CPEB2: variants seen among roughly 807,000 people sequenced by gnomAD.
CPEB2 encodes cytoplasmic polyadenylation element binding protein 2, also known as cytoplasmic polyadenylation element-binding protein 2.
Under a neutral mutation model 93.6 loss-of-function variants are expected in CPEB2, and 56 were observed. That is an observed-to-expected ratio of 0.60 (90% CI 0.48 to 0.75). The LOEUF is 0.75. CPEB2 is among the 30% of genes least tolerant of loss of function. The pLI is 0.00. For synonymous variants in CPEB2, 764 were observed against 586.3 expected, an observed-to-expected ratio of 1.30 and a Z score of -4.38; for missense variants, 1,579 against 1,395.1, an observed-to-expected ratio of 1.13 and a Z score of -2.10.
chr4:15,018,762 T>G (rs535367418), intron 4 of CPEB2, among the ~76,000 whole-genome samples: 1 of 149,584 alleles, frequency 6.7e-6, no homozygotes, highest in Non-Finnish European at 1.5e-5. Flanking sequence ...TTTCTCCCAG[T>G]CTTTTTTTTT....
chr4:15,007,487 G>C lies in CPEB2; in HGVS notation c.1845G>C (p.Pro615=). 6.2e-7 allele frequency: 1 copy of C among 1,614,098 alleles called. No homozygotes were observed. Among genetic ancestry groups the C allele is most frequent in the Non-Finnish European group, 8.5e-7 (1 of 1,179,990 alleles). Residue 615 remains proline (P), a synonymous_variant, in exon 2 of 12, where the codon CCG becomes CCC. Coordinates refer to ENST00000538197, the MANE Select transcript of CPEB2 (RefSeq NM_001177382.2). Reference sequence around the variant, plus strand: ...TTTCTGGTAATGTCATAGCACCACCGAAATTTACTCGCTCAACTCCATCAC... The same window carrying C: ...TTTCTGGTAATGTCATAGCACCACCCAAATTTACTCGCTCAACTCCATCAC... ...KPFSGNVIAP[P]KFTRSTPSLT...
At chr4:15,055,854 C>T (rs1241823721) in intron 8 of CPEB2, among the ~76,000 whole-genome samples, 1 of 152,062 alleles carries the variant, frequency 6.6e-6, no homozygotes, top group Non-Finnish European at 1.5e-5. Flanking sequence ...GATTGTATCT[C>T]TTCCTTAGGT....
At chr4:15,022,270 A>G (rs571642751) in intron 4 of CPEB2, among the ~76,000 whole-genome samples, 4 of 152,270 alleles carry the variant, frequency 2.6e-5, no homozygotes, top group African/African-American at 9.6e-5. Flanking sequence ...TATTAAAATA[A>G]AGTACAAAAT....
intron 6 of CPEB2, among the ~76,000 whole-genome samples, chr4:15,048,431 C>T (rs889795446): frequency 1.3e-5 from 2 of 151,628 alleles, no homozygotes; most frequent in Non-Finnish European, 3.0e-5. Flanking sequence ...GATTTTTTCT[C>T]CCTGTGCCAT....
chr4:15,054,161 C>T lies in CPEB2; in HGVS notation c.2405C>T (p.Pro802Leu), dbSNP rs765473049. 2 of 1,610,566 alleles carry T rather than the reference C, an allele frequency of 1.2e-6. No individual in the cohort carries two copies. Among genetic ancestry groups the T allele is most frequent in the Non-Finnish European group, 1.7e-6 (2 of 1,178,598 alleles). ...ACTGCTAGCTTCAGAAGATTTGGGC[C>T]TTTGGTAGTAGATTGGCCTCATAAA... is the stretch of plus-strand genomic sequence containing the variant. ...EITASFRRFG[P>L]LVVDWPHKAE... Residue 802 changes from proline (P) to leucine (L), a missense_variant, in exon 8 of 12, where the codon CCT (proline) becomes CTT (leucine). Pro to Leu is a moderately conservative substitution (Grantham distance 98). Transcript: ENST00000538197.
chr4:15,061,888 G>A (rs932306408), intron 10 of CPEB2, among the ~76,000 whole-genome samples, 191 bp from the exon 11 acceptor site: 4 of 149,322 alleles, frequency 2.7e-5, no homozygotes, highest in Middle Eastern at 3.2e-3. Context: ...TGTGATGGTG[G>A]TGAGTCACTT....
chr4:15,026,193 C>T (rs1725442253), intron 4 of CPEB2, among the ~76,000 whole-genome samples: 1 of 150,596 alleles, frequency 6.6e-6, no homozygotes, highest in Non-Finnish European at 1.5e-5. Context: ...AATCAGAGCA[C>T]TTTTCTTATT....
chr4:15,007,928 C>T (rs1219109229), intron 2 of CPEB2, among the ~76,000 whole-genome samples: 1 of 152,038 alleles, frequency 6.6e-6, no homozygotes, highest in African/African-American at 2.4e-5. Context: ...TTTAATATAG[C>T]TAAGCTAATA....
chr4:15,054,229 T>C lies in CPEB2; in HGVS notation c.2461+12T>C. 2 of 1,579,300 alleles carry C rather than the reference T, an allele frequency of 1.3e-6. No homozygotes were observed. The highest frequency in any genetic ancestry group is 1.7e-6 in the Non-Finnish European group (2 of 1,153,714). ...TTTTCCACCAAAAGGTAAGGATTGT[T>C]ATTGTTAATATTTGCTAGGAAATTG... is the stretch of plus-strand genomic sequence containing the variant. On this transcript the variant is annotated intron_variant, in intron 8 of 11. Coordinates refer to ENST00000538197, the MANE Select transcript of CPEB2 (RefSeq NM_001177382.2).
chr4:15,060,128 T>G (rs1729057101), intron 10 of CPEB2, among the ~76,000 whole-genome samples: 1 of 152,090 alleles, frequency 6.6e-6, no homozygotes, highest in Non-Finnish European at 1.5e-5. Context: ...GGAATGTGTT[T>G]CACAGAAAGG....
chr4:15,022,082 A>G (rs192630420), intron 4 of CPEB2, among the ~76,000 whole-genome samples: 10 of 152,282 alleles, frequency 6.6e-5, no homozygotes, highest in Admixed American at 5.9e-4. Flanking sequence ...AGAATTTAAG[A>G]ACTGTCGAGC....
In CPEB2 at chr4:15,004,145, C is replaced by A. The variant is rs1179240545; in HGVS notation, c.1472C>A (p.Pro491His). 1 of 1,380,618 alleles carries A rather than the reference C, an allele frequency of 7.2e-7. No individual in the cohort carries two copies. Among genetic ancestry groups the A allele is most frequent in the Non-Finnish European group, 9.6e-7 (1 of 1,042,446 alleles). 85.5% of individuals were successfully genotyped at this position (1,380,618 alleles called of 1,614,324 possible). ...SGGGGGGFGG[P>H]FSATAVPPPP... ...GGCGGCGGCGGCGGCTTCGGCGGCC[C>A]CTTCTCGGCTACCGCTGTGCCCCCT... The change falls in exon 1 of 12, where the codon CCC becomes CAC. Residue 491 changes from proline to histidine, a missense_variant. Physicochemically the swap from Pro to His is moderately conservative, Grantham distance 77. This residue lies in a region of CPEB2 where 1,411 missense variants were observed against 1,056.0 expected (regional missense o/e 1.34). Coordinates refer to ENST00000538197, the MANE Select transcript of CPEB2 (RefSeq NM_001177382.2).
chr4:15,007,085 CATG>C (rs1722914985), intron 1 of CPEB2, among the ~76,000 whole-genome samples: 1 of 152,078 alleles, frequency 6.6e-6, no homozygotes, highest in South Asian at 2.1e-4. Flanking sequence ...CATAAAATAT[CATG>C]ATATTTATAG....
At chr4:15,064,633 T>C (rs1729519970) in intron 11 of CPEB2, among the ~76,000 whole-genome samples, 2 of 152,104 alleles carry the variant, frequency 1.3e-5, no homozygotes, top group African/African-American at 4.8e-5. Context: ...TGTAAATGTA[T>C]TGCATTTATG....
intron 1 of CPEB2, chr4:15,005,114 C>T (rs1190783656): frequency 6.6e-6 from 1 of 152,198 alleles, no homozygotes; most frequent in East Asian, 1.9e-4. Context: ...GCCCTCCTCG[C>T]AGGACCTGGT....
intron 4 of CPEB2, among the ~76,000 whole-genome samples, chr4:15,032,245 G>A (rs1375766729): frequency 6.6e-6 from 1 of 152,054 alleles, no homozygotes; most frequent in African/African-American, 2.4e-5. Context: ...CTACAAGCAT[G>A]AGCCACCATG....
In CPEB2 at chr4:15,029,403, T is replaced by G. The variant is rs1725844231; in HGVS notation, c.2126-3758T>G. Among the ~76,000 whole-genome samples the G allele has an allele frequency of 2.0e-5, 3 of 152,122 alleles. No homozygotes were observed. The South Asian group carries it at 6.2e-4, about 31-fold the overall frequency. ...AAAATTTTTAAGATACGATAGATCC[T>G]CTAGTTATTCACTGATACCCAAAAA... On this transcript the variant is annotated intron_variant, in intron 4 of 11. Transcript: ENST00000538197.
intron 2 of CPEB2, among the ~76,000 whole-genome samples, chr4:15,007,979 G>A (rs1723042987): frequency 1.3e-5 from 2 of 151,976 alleles, no homozygotes; most frequent in Admixed American, 6.5e-5. Context: ...GACTATAATT[G>A]GCTGTATATA....
At chr4:15,013,354 CATAG>C (rs1274023668) in intron 3 of CPEB2, among the ~76,000 whole-genome samples, 1 of 151,964 alleles carries the variant, frequency 6.6e-6, no homozygotes, top group Non-Finnish European at 1.5e-5. Flanking sequence ...CACTTTTCCT[CATAG>C]AGTCTTATAT....
Sources: allele counts gnomAD v4.1 joint callset (sites outside exome capture counted in the v4.1 genomes callset), GRCh38; gene constraint gnomAD v4.1.1; regional missense constraint gnomAD v4.1.1; transcripts MANE v1.5; gene names NCBI Gene and HGNC (gene_info 2026-07-23, HGNC 2026-07-21).